Variants in UCK2 observed in about 807,000 individuals in gnomAD.
UCK2 encodes the protein cytidine monophosphokinase 2.
Under a neutral mutation model 30.8 loss-of-function variants are expected in UCK2, and 6 were observed. That is an observed-to-expected ratio of 0.19 (90% CI 0.11 to 0.38). The LOEUF is 0.38. UCK2 is among the 10% of genes least tolerant of loss of function. The pLI is 1.00. For missense variants in UCK2, 210 were observed against 339.8 expected, an observed-to-expected ratio of 0.62 and a Z score of 3.00; for synonymous variants, 125 against 133.6, an observed-to-expected ratio of 0.94 and a Z score of 0.45.
intron 1 of UCK2, among the ~76,000 whole-genome samples, chr1:165,864,231 A>G (rs1654989573): frequency 6.6e-6 from 1 of 152,196 alleles, no homozygotes; most frequent in Non-Finnish European, 1.5e-5. Flanking sequence ...TACAGGCATG[A>G]GCCACCGCGC....
chr1:165,880,567 GT>G (rs1655467565), intron 1 of UCK2, among the ~76,000 whole-genome samples: 3 of 4,330 alleles, frequency 6.9e-4, no homozygotes, highest in African/African-American at 4.5e-3. Flanking sequence ...TTTTTTGGGG[GT>G]GTGTGTGTGT....
intron 1 of UCK2, among the ~76,000 whole-genome samples, chr1:165,852,696 C>G (rs1258732889): frequency 6.6e-6 from 1 of 152,204 alleles, no homozygotes; most frequent in Non-Finnish European, 1.5e-5. Flanking sequence ...AGAACACATC[C>G]CTTAACCTGC....
chr1:165,889,335 T>C (rs1571294095), intron 1 of UCK2, among the ~76,000 whole-genome samples: 1 of 152,232 alleles, frequency 6.6e-6, no homozygotes, highest in Admixed American at 6.5e-5. Flanking sequence ...TCCGTTGATA[T>C]AAAGAGATGT....
In UCK2 at chr1:165,882,869, G is replaced by A. The variant is rs182284857; in HGVS notation, c.100-7335G>A. On this transcript the variant is annotated intron_variant, in intron 1 of 6. Transcript: ENST00000367879. ...GAGACACAGTCTCGCTCTGTCACGA[G>A]GCTGGAGTGCAGTGGCATGATCTCA... 2.5e-3 allele frequency among the ~76,000 whole-genome samples: 379 copies of A among 152,168 alleles called. 2 individuals are homozygous for A. The highest frequency in any genetic ancestry group is 3.6e-3 in the Non-Finnish European group (246 of 68,016).
chr1:165,854,153 G>A (rs1215102479), intron 1 of UCK2, among the ~76,000 whole-genome samples: 1 of 152,214 alleles, frequency 6.6e-6, no homozygotes, highest in African/African-American at 2.4e-5. Context: ...CGCATAGGAA[G>A]CATTGGAGCA....
intron 6 of UCK2, among the ~76,000 whole-genome samples, chr1:165,907,215 A>G (rs1174091595): frequency 6.6e-6 from 1 of 152,170 alleles, no homozygotes; most frequent in African/African-American, 2.4e-5. Flanking sequence ...TTTATTTCTA[A>G]TGCTAATAAA....
intron 6 of UCK2, among the ~76,000 whole-genome samples, chr1:165,906,647 C>T (rs1261798608): frequency 6.6e-6 from 1 of 152,224 alleles, no homozygotes; most frequent in Non-Finnish European, 1.5e-5. Context: ...GGATTACAGG[C>T]GTGAGCCATA....
intron 1 of UCK2, among the ~76,000 whole-genome samples, chr1:165,889,725 C>T (rs1170822935): frequency 2.3e-5 from 3 of 132,570 alleles, no homozygotes; most frequent in African/African-American, 5.8e-5. Flanking sequence ...CTTTTAAGTT[C>T]AGGGGTTTGT....
chr1:165,858,872 T>G (rs1055165290), intron 1 of UCK2, among the ~76,000 whole-genome samples: 3 of 152,160 alleles, frequency 2.0e-5, no homozygotes, highest in Non-Finnish European at 4.4e-5. Flanking sequence ...ACAATGACTG[T>G]GGGAGCGGGT....
chr1:165,848,546 C>T (rs529149005), intron 1 of UCK2, among the ~76,000 whole-genome samples: 4 of 151,368 alleles, frequency 2.6e-5, no homozygotes, highest in Admixed American at 6.6e-5. Flanking sequence ...GCAGGAGAAT[C>T]GCTTGAACCC....
At chr1:165,887,615 A>G (rs1655649885) in intron 1 of UCK2, among the ~76,000 whole-genome samples, 1 of 152,106 alleles carries the variant, frequency 6.6e-6, no homozygotes, top group African/African-American at 2.4e-5. Context: ...GAATTCTAGG[A>G]GGAATTCTAT....
intron 4 of UCK2, among the ~76,000 whole-genome samples, chr1:165,902,080 CA>C (rs1434767583): frequency 1.3e-5 from 2 of 151,436 alleles, no homozygotes; most frequent in African/African-American, 4.9e-5. Context: ...ACTAAAAATA[CA>C]AAAAATTAGC....
rs1308830317 is a variant in UCK2, at chr1:165,827,897, C to T, written c.64C>T (p.Leu22Phe). The T allele has an allele frequency of 6.8e-7, 1 of 1,467,646 alleles. No individual in the cohort carries two copies. Among genetic ancestry groups the T allele is most frequent in the Admixed American group, 2.2e-5 (1 of 45,130 alleles). 90.9% of individuals were successfully genotyped at this position (1,467,646 alleles called of 1,614,324 possible). A position where few individuals can be genotyped will look rare whatever the true frequency, so the allele number is the denominator to read the frequency against. Residue 22 changes from leucine to phenylalanine, a missense_variant, in exon 1 of 7, where the codon CTT becomes TTT. Physicochemically the swap from Leu to Phe is conservative, Grantham distance 22. Around this residue, in one of 4 missense-constraint regions of UCK2, gnomAD observed 50 missense variants for 41.0 expected, o/e 1.22. Transcript: ENST00000367879. ...HQQPNGGEPF[L>F]IGVSGGTASG... ...GCAGCCCAACGGCGGCGAGCCCTTC[C>T]TTATAGGCGTCAGCGGGGGAACAGC...
chr1:165,866,154 A>G (rs4657488), intron 1 of UCK2, among the ~76,000 whole-genome samples: 90,157 of 152,042 alleles, frequency 0.59, 27,070 homozygotes, highest in South Asian at 0.72. Context: ...CTCTTAGCAT[A>G]TATACCGGGA....
intron 1 of UCK2, among the ~76,000 whole-genome samples, chr1:165,880,563 G>A (rs76624047): frequency 0.11 from 638 of 5,862 alleles, 8 homozygotes; most frequent in African/African-American, 0.25. Flanking sequence ...AGTTTTTTTT[G>A]GGGGTGTGTG....
At chr1:165,898,132 T>C (rs1198748561) in intron 4 of UCK2, 1 of 152,212 alleles carries the variant, frequency 6.6e-6, no homozygotes, top group Non-Finnish European at 1.5e-5. Flanking sequence ...GTTGATCTGC[T>C]CAGTGTCCAT....
chr1:165,909,901 G>A lies in UCK2; in HGVS notation c.*2078G>A, dbSNP rs1226677189. 1 of 152,286 alleles carries A rather than the reference G, an allele frequency of 6.6e-6. No individual in the cohort carries two copies. The highest frequency in any genetic ancestry group is 1.9e-4 in the East Asian group (1 of 5,194). The allele number at this position is 152,286 out of a possible 1,614,324, so 9.4% of individuals were successfully genotyped here. A position where few individuals can be genotyped will look rare whatever the true frequency, so the allele number is the denominator to read the frequency against. ...GGCAGCATGCTCAACTTTACTTGAAGCTCCCAGGTGCCAAACCATTTAGTG... is the reference window on the plus strand; with the variant it reads ...GGCAGCATGCTCAACTTTACTTGAAACTCCCAGGTGCCAAACCATTTAGTG... On this transcript the variant is annotated 3_prime_UTR_variant, in exon 7 of 7. Transcript: ENST00000367879.
chr1:165,900,828 T>C (rs1386960534), intron 4 of UCK2: 1 of 152,274 alleles, frequency 6.6e-6, no homozygotes, highest in Non-Finnish European at 1.5e-5. Context: ...GAAAAGCATG[T>C]GTTGCAAAAC....
intron 1 of UCK2, among the ~76,000 whole-genome samples, chr1:165,832,339 C>G (rs1180267470): frequency 6.6e-6 from 1 of 152,054 alleles, no homozygotes; most frequent in Non-Finnish European, 1.5e-5. Flanking sequence ...TGAGAGAATA[C>G]TTTTTCTTAC....
Sources: allele counts gnomAD v4.1 joint callset (sites outside exome capture counted in the v4.1 genomes callset), GRCh38; gene constraint gnomAD v4.1.1; regional missense constraint gnomAD v4.1.1; transcripts MANE v1.5; gene names NCBI Gene and HGNC (gene_info 2026-07-23, HGNC 2026-07-21).